The following NREP variants were observed in gnomAD, a reference collection of about 807,000 sequenced individuals.
NREP encodes the protein neuronal regeneration related protein.
Under a neutral mutation model 8.6 loss-of-function variants are expected in NREP, and 5 were observed. That is an observed-to-expected ratio of 0.58 (90% CI 0.30 to 1.22). NREP has a LOEUF of 1.22. NREP is among the 50% of genes most tolerant of loss of function. NREP has a pLI of 0.07. For missense variants in NREP, 86 were observed against 82.5 expected (o/e 1.04, Z -0.17); for synonymous variants, 27 against 28.0 (o/e 0.96, Z 0.11).
intron 2 of NREP, among the ~76,000 whole-genome samples, chr5:111,784,097 A>G (rs1452035957): frequency 6.6e-6 from 1 of 152,230 alleles, no homozygotes; most frequent in East Asian, 1.9e-4. Flanking sequence ...ACTCTGCTCC[A>G]CAAATAATCT....
intron 2 of NREP, among the ~76,000 whole-genome samples, chr5:111,937,807 C>T (rs944638995): frequency 1.3e-5 from 2 of 152,044 alleles, no homozygotes; most frequent in African/African-American, 4.8e-5. Flanking sequence ...GAGTGGGCAG[C>T]AGCCTGTCAC....
intron 2 of NREP, among the ~76,000 whole-genome samples, chr5:111,942,489 C>T (rs950715241): frequency 1.3e-5 from 2 of 151,934 alleles, no homozygotes; most frequent in African/African-American, 4.8e-5. Flanking sequence ...TTGCAGGTGT[C>T]TTTTTTTCAT....
chr5:111,933,780 G>C (rs1176687879), intron 2 of NREP, among the ~76,000 whole-genome samples: 1 of 151,974 alleles, frequency 6.6e-6, no homozygotes, highest in African/African-American at 2.4e-5. Context: ...TGCTCTACTT[G>C]AAAGAAAGTC....
intron 2 of NREP, among the ~76,000 whole-genome samples, chr5:111,947,008 T>C (rs1359067229): frequency 6.6e-6 from 1 of 152,104 alleles, no homozygotes; most frequent in Non-Finnish European, 1.5e-5. Flanking sequence ...CATAATTTAG[T>C]TAATGAGTTT....
chr5:111,847,977 G>A lies in NREP; in HGVS notation c.136-112470C>T, dbSNP rs552265837. On this transcript the variant is annotated intron_variant, in intron 2 of 3. Coordinates refer to the NREP transcript ENST00000395634. ...AACATTGCCAAAGATTCAAGACCAC[G>A]CAGGACCTAGGAAAGGCTCTTGCCT... is the stretch of plus-strand genomic sequence containing the variant. Among the ~76,000 whole-genome samples the A allele has an allele frequency of 3.9e-5, 6 of 152,202 alleles. No individual in the cohort carries two copies. In the South Asian group the frequency reaches 6.2e-4, roughly 16 times the overall value.
chr5:111,912,457 T>C (rs1219928382), intron 2 of NREP: 1 of 152,130 alleles, frequency 6.6e-6, no homozygotes, highest in Non-Finnish European at 1.5e-5. Flanking sequence ...CCACTGAAGC[T>C]TGAGTCATAA....
intron 2 of NREP, among the ~76,000 whole-genome samples, chr5:111,831,683 G>A (rs770794218): frequency 1.3e-5 from 2 of 152,172 alleles, no homozygotes; most frequent in Non-Finnish European, 2.9e-5. Flanking sequence ...CTCTTCCTGA[G>A]TTATAACTAA....
chr5:111,765,555 G>A (rs139629053), intron 2 of NREP, among the ~76,000 whole-genome samples: 1 of 152,216 alleles, frequency 6.6e-6, no homozygotes, highest in African/African-American at 2.4e-5. Context: ...GAGAAACTGA[G>A]GTGGAGAAAG....
At chr5:111,956,063 C>G (rs1756307101) in intron 2 of NREP, among the ~76,000 whole-genome samples, 1 of 151,996 alleles carries the variant, frequency 6.6e-6, no homozygotes, top group African/African-American at 2.4e-5. Context: ...TCCAAAAAAT[C>G]CAGAGCCGAA....
At chr5:111,854,800 T>C (rs7719956) in intron 2 of NREP, among the ~76,000 whole-genome samples, 8,581 of 152,240 alleles carry the variant, frequency 0.056, 570 homozygotes, top group East Asian at 0.24. Context: ...CTTCTGCCCT[T>C]TCCCAGAAAT....
chr5:111,774,271 G>A (rs1211387080), intron 2 of NREP, among the ~76,000 whole-genome samples: 1 of 151,506 alleles, frequency 6.6e-6, no homozygotes, highest in Non-Finnish European at 1.5e-5. Flanking sequence ...GAGAGAAGGA[G>A]GGAGAGAAGA....
chr5:111,956,473 TA>T (rs904631888), intron 2 of NREP, among the ~76,000 whole-genome samples: 34 of 151,608 alleles, frequency 2.2e-4, no homozygotes, highest in Admixed American at 1.8e-3. Flanking sequence ...TGAAGAGACC[TA>T]AAAAAAATTT....
At chr5:111,780,093 T>A (rs773394525) in intron 2 of NREP, among the ~76,000 whole-genome samples, 2 of 152,200 alleles carry the variant, frequency 1.3e-5, no homozygotes, top group Non-Finnish European at 2.9e-5. Flanking sequence ...GAGCAACTTC[T>A]GCCTTCCCGT....
chr5:111,900,250 A>T (rs1754614417), intron 2 of NREP, among the ~76,000 whole-genome samples: 1 of 152,034 alleles, frequency 6.6e-6, no homozygotes, highest in African/African-American at 2.4e-5. Flanking sequence ...ATTAAAATAC[A>T]ACATATCAAA....
rs115720650 is a variant in NREP, at chr5:111,831,145, C to T, written c.136-95638G>A. ...CTATTGGAGTCTCTGGCAAAGGGAA[C>T]CTTTACTGAAAGCTTCCATCTGGAA... On this transcript the variant is annotated intron_variant, in intron 2 of 3. Transcript: ENST00000395634. Among the ~76,000 whole-genome samples the T allele has an allele frequency of 5.3e-3, 810 of 152,236 alleles. 12 individuals carry two copies. Among genetic ancestry groups the T allele is most frequent in the African/African-American group, 0.019 (773 of 41,548 alleles).
intron 2 of NREP, among the ~76,000 whole-genome samples, chr5:111,875,984 T>C (rs998255104): frequency 6.6e-6 from 1 of 152,178 alleles, no homozygotes; most frequent in African/African-American, 2.4e-5. Context: ...CTGATCTACA[T>C]AGAGCACAAA....
At chr5:111,932,258 G>A (rs771048005) in intron 2 of NREP, among the ~76,000 whole-genome samples, 1 of 151,894 alleles carries the variant, frequency 6.6e-6, no homozygotes, top group East Asian at 1.9e-4. Context: ...GCATTTCTTG[G>A]GGCATAAATG....
upstream of NREP, among the ~76,000 whole-genome samples, chr5:111,759,425 T>C (rs939695769): frequency 6.6e-6 from 1 of 151,834 alleles, no homozygotes; most frequent in Non-Finnish European, 1.5e-5. Flanking sequence ...TTCTTTCTTT[T>C]TTTTTTTTTA....
At chr5:111,876,250 T>G (rs184679738) in intron 2 of NREP, among the ~76,000 whole-genome samples, 1 of 152,178 alleles carries the variant, frequency 6.6e-6, no homozygotes, top group Non-Finnish European at 1.5e-5. Flanking sequence ...AGGCTGCTTT[T>G]GATTAGAAAA....
Sources: gnomAD v4.1 joint callset for allele counts (sites outside exome capture counted in the v4.1 genomes callset) on GRCh38, gnomAD v4.1.1 for gene constraint, MANE v1.5 for transcripts, NCBI Gene and HGNC (gene_info 2026-07-23, HGNC 2026-07-21) for gene names.